The following NRXN3 variants were observed in gnomAD, a reference collection of about 807,000 sequenced individuals.
The protein encoded by NRXN3 is neurexin III.
Under a neutral mutation model 137.6 loss-of-function variants are expected in NRXN3, and 32 were observed. The ratio of observed to expected loss-of-function variants is 0.23; its 90% CI spans 0.18 to 0.31. The LOEUF is 0.31. NRXN3 is among the 10% of genes least tolerant of loss of function. The pLI, the probability that NRXN3 is intolerant of heterozygous loss-of-function variation, is 1.00. For missense variants in NRXN3, 1,574 were observed against 2,062.5 expected (o/e 0.76, Z 4.59); for synonymous variants, 798 against 784.5 (o/e 1.02, Z -0.29).
At chr14:78,907,055 A>G (rs1597239232) in intron 10 of NRXN3, among the ~76,000 whole-genome samples, 1 of 152,136 alleles carries the variant, frequency 6.6e-6, no homozygotes, top group African/African-American at 2.4e-5. Flanking sequence ...AGACAAAGAA[A>G]CTACCCCATA....
At chr14:78,911,629 G>A (rs2099238026) in intron 10 of NRXN3, among the ~76,000 whole-genome samples, 1 of 152,094 alleles carries the variant, frequency 6.6e-6, no homozygotes, top group South Asian at 2.1e-4. Flanking sequence ...GCAGAAATAT[G>A]TTTTACCAAA....
intron 15 of NRXN3, among the ~76,000 whole-genome samples, chr14:79,379,589 G>A (rs554064533): frequency 7.4e-4 from 112 of 152,250 alleles, no homozygotes; most frequent in African/African-American, 2.5e-3. Flanking sequence ...CATTTTCAGA[G>A]CTGTGACGGC....
At chr14:79,630,008 CA>C (rs1328161967) in intron 16 of NRXN3, among the ~76,000 whole-genome samples, 4 of 152,132 alleles carry the variant, frequency 2.6e-5, no homozygotes, top group Non-Finnish European at 5.9e-5. Context: ...TTGTTGTTAA[CA>C]CACCATGTGG....
intron 19 of NRXN3, among the ~76,000 whole-genome samples, chr14:79,719,849 G>C (rs533488867): frequency 1.3e-5 from 2 of 152,044 alleles, no homozygotes; most frequent in African/African-American, 4.8e-5. Flanking sequence ...AAGATAATAT[G>C]ATCATTTCTG....
At chr14:79,673,287 C>A (rs1164236162) in intron 17 of NRXN3, among the ~76,000 whole-genome samples, 1 of 152,092 alleles carries the variant, frequency 6.6e-6, no homozygotes, top group Non-Finnish European at 1.5e-5. Context: ...CCACACGGTA[C>A]TTTTACAGCC....
At chr14:79,192,765 A>ATTAT in intron 15 of NRXN3, among the ~76,000 whole-genome samples, 1 of 115,300 alleles carries the variant, frequency 8.7e-6, no homozygotes, top group South Asian at 2.9e-4. Flanking sequence ...AATTCTCTTA[A>ATTAT]TTTTTTTTTT....
At chr14:78,525,189 A>G (rs2096359049) in intron 4 of NRXN3, among the ~76,000 whole-genome samples, 1 of 152,208 alleles carries the variant, frequency 6.6e-6, no homozygotes. Flanking sequence ...AAGTTGTGTG[A>G]GAAGTCTGGA....
At chr14:79,702,040 G>C (rs1273907059) in intron 19 of NRXN3, among the ~76,000 whole-genome samples, 1 of 151,970 alleles carries the variant, frequency 6.6e-6, no homozygotes, top group Non-Finnish European at 1.5e-5. Context: ...ACCGACAGTA[G>C]TGGCTATAGT....
intron 10 of NRXN3, among the ~76,000 whole-genome samples, chr14:78,878,346 T>C (rs1243142935): frequency 6.6e-6 from 1 of 152,152 alleles, no homozygotes; most frequent in East Asian, 1.9e-4. Context: ...TCTTTCCACA[T>C]TACAAGGCAA....
intron 15 of NRXN3, among the ~76,000 whole-genome samples, chr14:79,242,223 A>G (rs1205675922): frequency 2.0e-5 from 3 of 152,148 alleles, no homozygotes; most frequent in Admixed American, 6.6e-5. Flanking sequence ...TCTGACTACA[A>G]AACTTGGGCT....
chr14:78,874,011 AC>A (rs1290184816), intron 10 of NRXN3, among the ~76,000 whole-genome samples: 1 of 146,364 alleles, frequency 6.8e-6, no homozygotes, highest in Non-Finnish European at 1.5e-5. Flanking sequence ...TCTCACTGTG[AC>A]CCAGGCTGAA....
intron 6 of NRXN3, among the ~76,000 whole-genome samples, chr14:78,666,328 A>G (rs1194842751): frequency 6.6e-6 from 1 of 152,202 alleles, no homozygotes; most frequent in Non-Finnish European, 1.5e-5. Flanking sequence ...TATTAAGCTC[A>G]GGAAGATAAA....
chr14:78,696,585 T>A (rs2098228250), intron 6 of NRXN3, among the ~76,000 whole-genome samples: 1 of 151,948 alleles, frequency 6.6e-6, no homozygotes, highest in Admixed American at 6.6e-5. Context: ...ATACTTCAAC[T>A]CAGCATATTT....
At chr14:79,800,227 A>G (rs981001788) in intron 19 of NRXN3, among the ~76,000 whole-genome samples, 4 of 152,224 alleles carry the variant, frequency 2.6e-5, no homozygotes, top group Non-Finnish European at 5.9e-5. Flanking sequence ...AACTTGATAA[A>G]CATTCCCAAC....
intron 15 of NRXN3, among the ~76,000 whole-genome samples, chr14:79,132,239 A>C (rs1353562939): frequency 6.6e-6 from 1 of 152,272 alleles, no homozygotes; most frequent in Admixed American, 6.5e-5. Context: ...TATTCAATTC[A>C]GTCACTGGAA....
intron 1 of NRXN3, among the ~76,000 whole-genome samples, chr14:78,204,048 T>G (rs1254797667): frequency 6.6e-6 from 1 of 152,200 alleles, no homozygotes; most frequent in Non-Finnish European, 1.5e-5. Flanking sequence ...AAGTACTCCA[T>G]TACAGAGATG....
At chr14:78,792,857 T>C (rs1373311808) in intron 8 of NRXN3, among the ~76,000 whole-genome samples, 1 of 152,142 alleles carries the variant, frequency 6.6e-6, no homozygotes, top group Non-Finnish European at 1.5e-5. Context: ...CATTCACAAA[T>C]ACGAACAAAC....
intron 10 of NRXN3, among the ~76,000 whole-genome samples, chr14:78,846,301 A>G (rs1257446625): frequency 5.3e-5 from 8 of 152,082 alleles, no homozygotes; most frequent in African/African-American, 1.7e-4. Context: ...GAATTGGAAA[A>G]GGGTCATTTC....
At chr14:78,508,242 C>T (rs1054728510) in intron 4 of NRXN3, among the ~76,000 whole-genome samples, 6 of 152,270 alleles carry the variant, frequency 3.9e-5, no homozygotes, top group Middle Eastern at 3.4e-3. Flanking sequence ...TCTTCTGTAA[C>T]GAGGTAGACT....
Sources: allele counts gnomAD v4.1 joint callset (sites outside exome capture counted in the v4.1 genomes callset), GRCh38; gene constraint gnomAD v4.1.1; transcripts MANE v1.5; gene names NCBI Gene and HGNC (gene_info 2026-07-23, HGNC 2026-07-21).